MED17: variants seen among roughly 807,000 people sequenced by gnomAD.
The protein encoded by MED17 is mediator complex subunit 17, also known as mediator of RNA polymerase II transcription subunit 17.
MED17 carries 49 observed loss-of-function variants against 80.8 expected under a neutral mutation model. The ratio of observed to expected loss-of-function variants is 0.61; its 90% CI spans 0.48 to 0.77. MED17 has a LOEUF of 0.77. Ranked by LOEUF, MED17 falls within the 30% of genes least tolerant of loss-of-function variation. The pLI, the probability that MED17 is intolerant of heterozygous loss-of-function variation, is 0.00. For missense variants in MED17, 718 were observed against 787.0 expected, an observed-to-expected ratio of 0.91 and a Z score of 1.05; for synonymous variants, 281 against 280.4, an observed-to-expected ratio of 1.00 and a Z score of -0.02.
At chr11:93,784,958 TC>T in intron 1 of MED17, 195 bp downstream of exon 1, 1 of 730,780 alleles carries the variant, frequency 1.4e-6, no homozygotes, top group Non-Finnish European at 2.2e-6. Context: ...TACGTAATAC[TC>T]CTGCGGGTCT....
intron 3 of MED17, among the ~76,000 whole-genome samples, chr11:93,791,621 C>T (rs572110366): frequency 6.6e-6 from 1 of 152,014 alleles, no homozygotes; most frequent in South Asian, 2.1e-4. Flanking sequence ...CAGGATGATC[C>T]CTTGAGCCCA....
intron 6 of MED17, 174 bp downstream of exon 6, chr11:93,795,234 C>A: frequency 1.3e-6 from 1 of 780,816 alleles, no homozygotes; most frequent in Non-Finnish European, 2.2e-6. Context: ...GGAATCTGTT[C>A]TGTCCTAAAT....
In MED17 at chr11:93,812,419, T is replaced by A; in HGVS notation, c.*355T>A. ...GGTTTAAAAAAATCTCCAAATACCT[T>A]TTTTTCCCCCCAAATACTTTCTAAA... On this transcript the variant is annotated 3_prime_UTR_variant, in exon 12 of 12. Transcript: ENST00000251871. The A allele has an allele frequency of 2.1e-6, 1 of 482,492 alleles. No individual in the cohort carries two copies. The highest frequency in any genetic ancestry group is 3.6e-6 in the Non-Finnish European group (1 of 278,316). 29.9% of individuals were successfully genotyped at this position (482,492 alleles called of 1,614,324 possible).
intron 7 of MED17, chr11:93,797,058 C>A: frequency 4.8e-6 from 1 of 206,558 alleles, no homozygotes. Flanking sequence ...TAAAAAGCTC[C>A]TTAGGAGGTT....
At chr11:93,787,489 G>A (rs1409984694) in intron 1 of MED17, among the ~76,000 whole-genome samples, 4 of 152,082 alleles carry the variant, frequency 2.6e-5, no homozygotes, top group Non-Finnish European at 5.9e-5. Context: ...GGAGAGAATC[G>A]GGTGGGGAAT....
chr11:93,800,833 C>T (rs1047328042), intron 8 of MED17: 4 of 151,790 alleles, frequency 2.6e-5, no homozygotes, highest in African/African-American at 9.7e-5. Context: ...GACTGGTTGT[C>T]GATATGTTGC....
At position 93,794,917 on chromosome 11, in the gene MED17, A is replaced by T; in HGVS notation, c.869A>T (p.His290Leu). 1 of 1,614,228 alleles carries T rather than the reference A, an allele frequency of 6.2e-7. No individual in the cohort carries two copies. The highest frequency in any genetic ancestry group is 8.5e-7 in the Non-Finnish European group (1 of 1,180,034). The part of the protein sequence containing the change: ...PLPKSKPGSP[H>L]WQTKLEAAQN... ...ATTTCTTGTCTTTCAGGTTCCCCACATTGGCAGACAAAATTAGAAGCGGCA... is the reference window on the plus strand; with the variant it reads ...ATTTCTTGTCTTTCAGGTTCCCCACTTTGGCAGACAAAATTAGAAGCGGCA... Residue 290 changes from histidine (H) to leucine (L), a missense_variant, in exon 6 of 12, where the codon CAT (histidine) becomes CTT (leucine). His to Leu is a moderately conservative substitution (Grantham distance 99). Transcript: ENST00000251871.
At chr11:93,794,065 G>A (rs756042801) in intron 5 of MED17, 30 bp downstream of exon 5, 1 of 1,545,322 alleles carries the variant, frequency 6.5e-7, no homozygotes, top group Admixed American at 1.7e-5. Flanking sequence ...TCTAATTTCT[G>A]GTCTTATTTG....
intron 2 of MED17, chr11:93,788,386 T>C (rs1279644344): frequency 2.2e-6 from 1 of 460,068 alleles, no homozygotes. Context: ...TCATTAAGAA[T>C]GTAATACCTT....
At chr11:93,787,920 C>G (rs1255082216) in intron 1 of MED17, 81 bp from the exon 2 acceptor site, 2 of 1,173,632 alleles carry the variant, frequency 1.7e-6, no homozygotes, top group Admixed American at 1.7e-5. Flanking sequence ...CCTTTTAGTA[C>G]TTTTTAAACC....
rs1317339489 is a variant in MED17, at chr11:93,784,695, C to G, written c.182C>G (p.Ala61Gly). Residue 61 changes from alanine (A) to glycine (G), a missense_variant, in exon 1 of 12, where the codon GCG becomes GGG. Coordinates refer to ENST00000251871, the MANE Select transcript of MED17 (RefSeq NM_004268.5). ...TCGGGCTCCGAGGAGGAGGAGGCGGCGGGGACCGAGGGCGACGCGCAGGAG... is the reference window on the plus strand; with the variant it reads ...TCGGGCTCCGAGGAGGAGGAGGCGGGGGGGACCGAGGGCGACGCGCAGGAG... ...QGSGSEEEEA[A>G]GTEGDAQEWP... 2.6e-6 allele frequency: 4 copies of G among 1,552,794 alleles called. No individual in the cohort carries two copies. Among genetic ancestry groups the G allele is most frequent in the Non-Finnish European group, 3.5e-6 (4 of 1,149,834 alleles).
intron 10 of MED17, 85 bp downstream of exon 10, chr11:93,807,720 ATAAAT>A: frequency 1.1e-6 from 1 of 893,120 alleles, no homozygotes. Flanking sequence ...TTAAAATGTA[ATAAAT>A]TGTGTAAGAA....
intron 1 of MED17, 101 bp from the exon 2 acceptor site, chr11:93,787,900 A>T: frequency 2.0e-6 from 2 of 985,338 alleles, no homozygotes; most frequent in Non-Finnish European, 3.2e-6. Context: ...AAATTTAATT[A>T]ATTATTTCTC....
At chr11:93,796,045 G>A (rs978367886) in intron 6 of MED17, 1 of 303,224 alleles carries the variant, frequency 3.3e-6, no homozygotes, top group African/African-American at 2.2e-5. Flanking sequence ...CACTTCCCGG[G>A]TCCAAGCAAT....
At chr11:93,794,780 G>T in intron 5 of MED17, 128 bp from the exon 6 acceptor site, 1 of 1,024,256 alleles carries the variant, frequency 9.8e-7, no homozygotes, top group East Asian at 2.5e-5. Flanking sequence ...AGACTGAATA[G>T]GAAAAAAAAG....
rs1286098236 is a variant in MED17, at chr11:93,813,904, AG to A, written c.*1843del. 1 of 152,096 alleles carries A rather than the reference AG, an allele frequency of 6.6e-6. No homozygotes were observed. Among genetic ancestry groups the A allele is most frequent in the African/African-American group, 2.4e-5 (1 of 41,404 alleles). 9.4% of individuals were successfully genotyped at this position (152,096 alleles called of 1,614,324 possible). ...GTCTAATTTTTGTAATTTTGATAAG[AG>A]GGTTTTGCCATCTTGGCCAGGCTGG... On this transcript the variant is annotated 3_prime_UTR_variant, in exon 12 of 12. Transcript: ENST00000251871.
At chr11:93,801,762 T>TGGA in intron 8 of MED17, 73 bp from the exon 9 acceptor site, 1 of 1,444,258 alleles carries the variant, frequency 6.9e-7, no homozygotes. Context: ...TTTCATAAAA[T>TGGA]TTTCGAATCA....
At chr11:93,810,042 GATT>G (rs1051591700) in intron 11 of MED17, 166 bp downstream of exon 11, 7 of 697,594 alleles carry the variant, frequency 1.0e-5, no homozygotes, top group South Asian at 5.0e-5. Flanking sequence ...CAGAGCAAGA[GATT>G]ATTATTTCTC....
rs1369169539 is a variant in MED17 at position 93,797,566 on chromosome 11, T to C, written c.1175T>C (p.Met392Thr). Residue 392 changes from methionine (M) to threonine (T), a missense_variant, in exon 8 of 12, where the codon ATG (methionine) becomes ACG (threonine). Coordinates refer to ENST00000251871, the MANE Select transcript of MED17 (RefSeq NM_004268.5). ...AAACAGACCTTGAGTTCCATCATGA[T>C]GCCTCATCCAGCAAGTGCACCTTTT... ...FHKQTLSSIMMPHPASAPFGH... is the reference protein window; with the variant it reads ...FHKQTLSSIMTPHPASAPFGH... 20 of 1,614,164 alleles carry C rather than the reference T, an allele frequency of 1.2e-5. No homozygotes were observed. The highest frequency in any genetic ancestry group is 1.7e-5 in the Non-Finnish European group (20 of 1,179,994).
Sources: gnomAD v4.1 joint callset for allele counts (sites outside exome capture counted in the v4.1 genomes callset) on GRCh38, gnomAD v4.1.1 for gene constraint, MANE v1.5 for transcripts, NCBI Gene and HGNC (gene_info 2026-07-23, HGNC 2026-07-21) for gene names.